The following WDR27 variants were observed in gnomAD, a reference collection of about 807,000 sequenced individuals.
WDR27 encodes the protein WD repeat domain 27, also known as WD repeat-containing protein 27.
A neutral mutation model predicts 114.4 loss-of-function variants in WDR27; 100 were observed. The observed-to-expected ratio is 0.87, with a 90% confidence interval of 0.74 to 1.03. The LOEUF (loss-of-function observed/expected upper bound fraction) is 1.03, where lower values mean the gene tolerates loss of function less well. WDR27 is among the 50% of genes least tolerant of loss of function. WDR27 has a pLI of 0.00. For synonymous variants in WDR27, 449 were observed against 423.1 expected, an observed-to-expected ratio of 1.06 and a Z score of -0.75; for missense variants, 1,129 against 1,092.9, an observed-to-expected ratio of 1.03 and a Z score of -0.47.
At chr6:169,429,974 T>C in the WDR27 span, among the ~76,000 whole-genome samples, 5 of 152,164 alleles carry the variant, frequency 3.3e-5, no homozygotes, top group African/African-American at 1.2e-4. Context: ...TGATTTCCCT[T>C]CGAGTTGTGT....
chr6:169,616,381 A>C (rs1426413589), intron 21 of WDR27, among the ~76,000 whole-genome samples: 3 of 152,020 alleles, frequency 2.0e-5, no homozygotes, highest in Non-Finnish European at 4.4e-5. Flanking sequence ...CCAGCTACTC[A>C]GGAGGCTGAG....
At position 169,667,150 on chromosome 6, in the gene WDR27, G is replaced by A. The variant is rs1286053746; in HGVS notation, c.698C>T (p.Ser233Leu). The A allele has an allele frequency of 1.3e-6, 2 of 1,527,572 alleles. No homozygotes were observed. The highest frequency in any genetic ancestry group is 1.8e-6 in the Non-Finnish European group (2 of 1,139,346). 94.6% of individuals were successfully genotyped at this position (1,527,572 alleles called of 1,614,324 possible). A position where few individuals can be genotyped will look rare whatever the true frequency, so the allele number is the denominator to read the frequency against. ...DHCTGSLIYSSSVLSAYPLLS... is the reference protein window; with the variant it reads ...DHCTGSLIYSLSVLSAYPLLS... ...TTTAAATTTACCTGATAACACAGATGAACTGTATATTAATGATCCTGTACA... is the reference window on the plus strand; with the variant it reads ...TTTAAATTTACCTGATAACACAGATAAACTGTATATTAATGATCCTGTACA... Residue 233 changes from serine (S) to leucine (L), a missense_variant, in exon 6 of 26, where the codon TCA (serine) becomes TTA (leucine). Transcript: ENST00000448612.
At chr6:169,482,255 A>G (rs1455315752) in intron 25 of WDR27, among the ~76,000 whole-genome samples, 2 of 152,234 alleles carry the variant, frequency 1.3e-5, no homozygotes, top group African/African-American at 4.8e-5. Context: ...GCTGCAATGA[A>G]CATACATGTG....
At chr6:169,451,092 AG>A in the WDR27 span, among the ~76,000 whole-genome samples, 1 of 152,216 alleles carries the variant, frequency 6.6e-6, no homozygotes, top group Non-Finnish European at 1.5e-5. Flanking sequence ...AAGGACAGAC[AG>A]AACTCAATCA....
intron 4 of WDR27, 29 bp downstream of exon 4, chr6:169,670,540 C>T (rs761011103): frequency 8.1e-6 from 13 of 1,613,640 alleles, no homozygotes; most frequent in South Asian, 3.3e-5. Context: ...TAAACCCTTC[C>T]GTGAAATCCA....
intron 2 of WDR27, among the ~76,000 whole-genome samples, chr6:169,678,170 C>T (rs1780552326): frequency 6.6e-6 from 1 of 152,236 alleles, no homozygotes; most frequent in Admixed American, 6.5e-5. Flanking sequence ...GCAGCTTACA[C>T]CCTGCTCCTA....
At chr6:169,620,673 C>T (rs1199506008) in intron 21 of WDR27, among the ~76,000 whole-genome samples, 1 of 152,160 alleles carries the variant, frequency 6.6e-6, no homozygotes, top group African/African-American at 2.4e-5. Context: ...TAAAACCAAG[C>T]GGTGCCCCGA....
chr6:169,680,607 T>A (rs1781254130), intron 2 of WDR27, among the ~76,000 whole-genome samples: 1 of 152,196 alleles, frequency 6.6e-6, no homozygotes, highest in Non-Finnish European at 1.5e-5. Context: ...ATATTTTTCT[T>A]ATTGTTTAAA....
chr6:169,605,108 C>CAAAAAAAAAAAAAAAAAAAAAAAA (rs59884264), intron 22 of WDR27, among the ~76,000 whole-genome samples: 3 of 76,210 alleles, frequency 3.9e-5, no homozygotes, highest in African/African-American at 5.9e-5. Flanking sequence ...AGCAATTAGG[C>CAAAAAAAAAAAAAAAAAAAAAAAA]AAAAAAAAAA....
chr6:169,652,684 C>T (rs1459555371), intron 13 of WDR27, among the ~76,000 whole-genome samples: 2 of 152,206 alleles, frequency 1.3e-5, no homozygotes, highest in African/African-American at 2.4e-5. Flanking sequence ...GAAACATATC[C>T]ATTAATTTTC....
chr6:169,502,591 C>T (rs1033432578), intron 25 of WDR27, among the ~76,000 whole-genome samples: 2 of 152,120 alleles, frequency 1.3e-5, no homozygotes, highest in East Asian at 1.9e-4. Context: ...CCCAGCTTCC[C>T]GGCCGACCCC....
intron 20 of WDR27, among the ~76,000 whole-genome samples, chr6:169,633,473 A>G (rs755227204): frequency 2.6e-5 from 4 of 152,246 alleles, no homozygotes; most frequent in Non-Finnish European, 5.9e-5. Flanking sequence ...AGAATGGGTG[A>G]CAGCACCTGG....
intron 1 of WDR27, among the ~76,000 whole-genome samples, chr6:169,693,451 C>G (rs1167252078): frequency 6.6e-6 from 1 of 152,140 alleles, no homozygotes; most frequent in Non-Finnish European, 1.5e-5. Flanking sequence ...TAGGCAGGAA[C>G]TAACATAATG....
chr6:169,469,816 T>A (rs780767838), intron 25 of WDR27, among the ~76,000 whole-genome samples: 4 of 152,240 alleles, frequency 2.6e-5, no homozygotes, highest in Non-Finnish European at 5.9e-5. Flanking sequence ...TATAATCCCA[T>A]CTCTATTCCC....
At chr6:169,636,640 A>AG in intron 18 of WDR27, 136 bp from the exon 19 acceptor site, 1 of 834,802 alleles carries the variant, frequency 1.2e-6, no homozygotes, top group South Asian at 2.7e-5. Context: ...TGTTAGACCC[A>AG]ATCTACAATT....
rs558968046 is a variant in WDR27 at position 169,662,796 on chromosome 6, G to A, written c.905-372C>T. ...ACCCAGCATGACGCGCGTGCACCGCGGAGCATTCGGATCACGTGTCGAGGA... is the reference window on the plus strand; with the variant it reads ...ACCCAGCATGACGCGCGTGCACCGCAGAGCATTCGGATCACGTGTCGAGGA... On this transcript the variant is annotated intron_variant, in intron 8 of 25. Transcript: ENST00000448612. Among the ~76,000 whole-genome samples the A allele has an allele frequency of 4.2e-4, 47 of 112,962 alleles. 10 individuals carry two copies. The highest frequency in any genetic ancestry group is 1.6e-3 in the African/African-American group (43 of 27,016). The allele number at this position is 112,962 out of a possible 152,430, so 74.1% of individuals were successfully genotyped here.
rs77312642 is a variant in WDR27 at position 169,544,017 on chromosome 6, T to A, written c.2645+28402A>T. 1.7e-3 allele frequency among the ~76,000 whole-genome samples: 266 copies of A among 152,336 alleles called. 3 individuals carry two copies. Among genetic ancestry groups the A allele is most frequent in the African/African-American group, 5.9e-3 (247 of 41,590 alleles). On this transcript the variant is annotated intron_variant, in intron 25 of 25. Coordinates refer to ENST00000448612, the MANE Select transcript of WDR27 (RefSeq NM_182552.5). ...CAAGCTAAAGAAGAAAAATTATATA[T>A]AACAATTGTTGCAGAAAAGTATTTG... is the stretch of plus-strand genomic sequence containing the variant.
intron 2 of WDR27, among the ~76,000 whole-genome samples, chr6:169,683,056 A>G (rs1168215614): frequency 2.0e-5 from 3 of 152,216 alleles, no homozygotes; most frequent in Non-Finnish European, 4.4e-5. Context: ...GAAGAAGCTT[A>G]TGGGAGCTAT....
intron 21 of WDR27, among the ~76,000 whole-genome samples, chr6:169,618,177 A>G (rs546207362): frequency 2.0e-4 from 31 of 152,344 alleles, no homozygotes; most frequent in African/African-American, 7.5e-4. Flanking sequence ...GCAAAATAAC[A>G]TAAGTGACTA....
Sources: allele counts gnomAD v4.1 joint callset (sites outside exome capture counted in the v4.1 genomes callset), GRCh38; gene constraint gnomAD v4.1.1; transcripts MANE v1.5; gene names NCBI Gene and HGNC (gene_info 2026-07-23, HGNC 2026-07-21).